The following RSU1 variants were observed in gnomAD, a reference collection of about 807,000 sequenced individuals.
The protein encoded by RSU1 is Ras suppressor protein 1, also known as rsu-1.
A neutral mutation model predicts 31.1 loss-of-function variants in RSU1; 26 were observed. The ratio of observed to expected loss-of-function variants is 0.84; its 90% CI spans 0.61 to 1.16. The LOEUF (loss-of-function observed/expected upper bound fraction) is 1.16. Ranked by LOEUF, RSU1 falls within the 50% of genes most tolerant of loss-of-function variation. The pLI is 0.00. For missense variants in RSU1, 320 were observed against 339.1 expected (o/e 0.94, Z 0.44); for synonymous variants, 164 against 136.3 (o/e 1.20, Z -1.41).
chr10:16,685,610 C>T (rs1453461254), intron 8 of RSU1, among the ~76,000 whole-genome samples: 4 of 148,958 alleles, frequency 2.7e-5, no homozygotes, highest in Admixed American at 6.6e-5. Context: ...GCAGTGAGGA[C>T]GACCAGAGGT....
chr10:16,812,491 A>G (rs890888975), intron 2 of RSU1, among the ~76,000 whole-genome samples: 3 of 152,182 alleles, frequency 2.0e-5, no homozygotes, highest in Non-Finnish European at 4.4e-5. Flanking sequence ...TTAATAGATT[A>G]TATCTAAAAT....
At chr10:16,664,019 A>C (rs1026857968) in intron 8 of RSU1, among the ~76,000 whole-genome samples, 2 of 152,136 alleles carry the variant, frequency 1.3e-5, no homozygotes, top group Non-Finnish European at 2.9e-5. Context: ...GAGTCACAGA[A>C]GGGACTAGGG....
chr10:16,744,493 G>C (rs1336040071), intron 7 of RSU1, among the ~76,000 whole-genome samples: 1 of 152,228 alleles, frequency 6.6e-6, no homozygotes, highest in Non-Finnish European at 1.5e-5. Context: ...CACTTGCAGA[G>C]AGGTAGTTTA....
At chr10:16,600,507 TTTGA>T (rs1172807214) in intron 8 of RSU1, among the ~76,000 whole-genome samples, 1 of 152,092 alleles carries the variant, frequency 6.6e-6, no homozygotes, top group African/African-American at 2.4e-5. Context: ...CAACTTTTTT[TTTGA>T]TTAAGCAGAT....
chr10:16,635,821 C>T (rs1179479273), intron 8 of RSU1, among the ~76,000 whole-genome samples: 1 of 152,232 alleles, frequency 6.6e-6, no homozygotes, highest in Non-Finnish European at 1.5e-5. Context: ...CCCATTTCGT[C>T]ACCAAAGCCA....
intron 8 of RSU1, among the ~76,000 whole-genome samples, chr10:16,668,576 T>A (rs774604628): frequency 2.6e-5 from 4 of 152,230 alleles, no homozygotes; most frequent in Non-Finnish European, 5.9e-5. Context: ...CATAAAACAT[T>A]TGAAATAGGA....
chr10:16,615,923 G>C (rs1320073665), intron 8 of RSU1, among the ~76,000 whole-genome samples: 5 of 152,124 alleles, frequency 3.3e-5, no homozygotes, highest in African/African-American at 4.8e-5. Flanking sequence ...CAGTAAGCTG[G>C]AAAGATCTGA....
At chr10:16,795,121 G>C (rs1470803809) in intron 2 of RSU1, among the ~76,000 whole-genome samples, 2 of 152,070 alleles carry the variant, frequency 1.3e-5, no homozygotes, top group Admixed American at 1.3e-4. Context: ...CGGGAGGCCG[G>C]GGCAGGCAGA....
chr10:16,681,864 C>T (rs1234366182), intron 8 of RSU1, among the ~76,000 whole-genome samples: 1 of 152,016 alleles, frequency 6.6e-6, no homozygotes, highest in African/African-American at 2.4e-5. Context: ...AAAATCAATC[C>T]ATCTCTACCT....
At chr10:16,729,367 G>C (rs886330248) in intron 7 of RSU1, among the ~76,000 whole-genome samples, 1 of 152,164 alleles carries the variant, frequency 6.6e-6, no homozygotes, top group African/African-American at 2.4e-5. Context: ...TGAGTACCAT[G>C]CTATTGGTTT....
chr10:16,717,626 C>A (rs971322751), intron 7 of RSU1, among the ~76,000 whole-genome samples: 6 of 152,016 alleles, frequency 3.9e-5, no homozygotes, highest in Non-Finnish European at 8.8e-5. Flanking sequence ...AAAGCAAAAA[C>A]AACATACCAA....
chr10:16,787,260 G>A (rs1837809744), intron 2 of RSU1, among the ~76,000 whole-genome samples: 1 of 152,106 alleles, frequency 6.6e-6, no homozygotes, highest in Non-Finnish European at 1.5e-5. Context: ...AGGTGCTGTG[G>A]AATCTTGCGA....
rs1312015958 is a variant in RSU1 at position 16,727,088 on chromosome 10, C to A, written c.598+25451G>T. ...TAATTAATGTGCATTCCTCACAACACAGGCTGCCAGTTGGTGGTTTTTGCC... is the reference window on the plus strand; with the variant it reads ...TAATTAATGTGCATTCCTCACAACAAAGGCTGCCAGTTGGTGGTTTTTGCC... On this transcript the variant is annotated intron_variant, in intron 7 of 8. Coordinates refer to ENST00000345264, the MANE Select transcript of RSU1 (RefSeq NM_012425.4). The A allele has an allele frequency of 6.6e-6, 3 of 456,678 alleles. 1 individual carries two copies. In the Admixed American group the frequency reaches 7.0e-5, roughly 11 times the overall value. The allele number at this position is 456,678 out of a possible 1,614,324, so 28.3% of individuals were successfully genotyped here.
intron 8 of RSU1, among the ~76,000 whole-genome samples, chr10:16,630,379 T>A (rs1005756055): frequency 6.6e-6 from 1 of 152,252 alleles, no homozygotes; most frequent in Non-Finnish European, 1.5e-5. Context: ...TATTTGATCT[T>A]CTTCCTCCTC....
chr10:16,639,155 A>T (rs1430204993), intron 8 of RSU1, among the ~76,000 whole-genome samples: 1 of 152,226 alleles, frequency 6.6e-6, no homozygotes. Context: ...TAAATTATTA[A>T]GTTATAAAAC....
intron 8 of RSU1, among the ~76,000 whole-genome samples, chr10:16,667,395 T>C (rs1476381158): frequency 6.6e-6 from 1 of 152,244 alleles, no homozygotes; most frequent in East Asian, 1.9e-4. Flanking sequence ...TAGTGACTAC[T>C]CTGTATATAT....
At chr10:16,611,222 A>C (rs1315147077) in intron 8 of RSU1, among the ~76,000 whole-genome samples, 1 of 152,096 alleles carries the variant, frequency 6.6e-6, no homozygotes, top group Non-Finnish European at 1.5e-5. Flanking sequence ...ATCCTTCTCG[A>C]GTGGCCACAC....
At chr10:16,642,169 A>G (rs1401072481) in intron 8 of RSU1, among the ~76,000 whole-genome samples, 6 of 152,192 alleles carry the variant, frequency 3.9e-5, no homozygotes, top group Non-Finnish European at 1.5e-5. Context: ...ATAGAGAGGA[A>G]TACTGAAATC....
intron 2 of RSU1, among the ~76,000 whole-genome samples, chr10:16,808,104 A>G (rs1221562413): frequency 6.6e-6 from 1 of 151,864 alleles, no homozygotes; most frequent in African/African-American, 2.4e-5. Flanking sequence ...CTTGGCATCC[A>G]AGCCTGGCCC....
Sources: allele counts gnomAD v4.1 joint callset (sites outside exome capture counted in the v4.1 genomes callset), GRCh38; gene constraint gnomAD v4.1.1; transcripts MANE v1.5; gene names NCBI Gene and HGNC (gene_info 2026-07-23, HGNC 2026-07-21).